The following LAMC2 variants were observed in gnomAD, a reference collection of about 807,000 sequenced individuals.
LAMC2 encodes the protein laminin subunit gamma 2.
LAMC2 carries 97 observed loss-of-function variants against 140.2 expected under a neutral mutation model. That is an observed-to-expected ratio of 0.69 (90% CI 0.59 to 0.82). LAMC2 has a LOEUF of 0.82. LAMC2 is among the 40% of genes least tolerant of loss of function. LAMC2 has a pLI of 0.00. For missense variants in LAMC2, 1,402 were observed against 1,476.1 expected (o/e 0.95, Z 0.82); for synonymous variants, 513 against 540.2 (o/e 0.95, Z 0.70).
At chr1:183,257,105 A>G in the LAMC2 span, among the ~76,000 whole-genome samples, 2 of 151,882 alleles carry the variant, frequency 1.3e-5, no homozygotes, top group African/African-American at 4.8e-5. Context: ...GCCTCGTAGA[A>G]TGTGCTAGGA....
the LAMC2 span, among the ~76,000 whole-genome samples, chr1:183,256,102 T>TA: frequency 1.3e-5 from 2 of 151,926 alleles, no homozygotes; most frequent in Admixed American, 6.6e-5. Context: ...GTGGGTTTTT[T>TA]AAAAAAAATA....
chr1:183,238,479 T>G, intron 19 of LAMC2, 58 bp downstream of exon 19: 1 of 1,054,276 alleles, frequency 9.5e-7, no homozygotes, highest in Non-Finnish European at 1.5e-6. Flanking sequence ...CATGACCAAT[T>G]TCCTTTGAAT....
At position 183,223,339 on chromosome 1, in the gene LAMC2, C is replaced by G; in HGVS notation, c.953+15C>G. On this transcript the variant is annotated intron_variant, in intron 7 of 22. Transcript: ENST00000264144. ...TACACATTCAGGTAAAAAGAGAGAC[C>G]ATAAGTAGGTCAATTAGAGCAAACT... 1 of 1,611,892 alleles carries G rather than the reference C, an allele frequency of 6.2e-7. No homozygotes were observed. The highest frequency in any genetic ancestry group is 8.5e-7 in the Non-Finnish European group (1 of 1,178,086).
intron 1 of LAMC2, among the ~76,000 whole-genome samples, chr1:183,207,525 T>C (rs1658926233): frequency 6.6e-6 from 1 of 152,208 alleles, no homozygotes; most frequent in South Asian, 2.1e-4. Flanking sequence ...GGGATTGCAG[T>C]GTTTTGAAAT....
chr1:183,251,445 C>T, the LAMC2 span: 1 of 152,248 alleles, frequency 6.6e-6, no homozygotes, highest in African/African-American at 2.4e-5. Context: ...GCCCAACAGA[C>T]AATACATAAT....
Position 183,202,224 on chromosome 1 carries a change from A to AAC in LAMC2, c.80-5656_80-5655insCA, listed in dbSNP as rs1491510960. Among the ~76,000 whole-genome samples the AAC allele has an allele frequency of 1.8e-3, 241 of 137,270 alleles. 1 individual carries two copies. Among genetic ancestry groups the AAC allele is most frequent in the African/African-American group, 5.6e-3 (218 of 39,176 alleles). 90.1% of individuals were successfully genotyped at this position (137,270 alleles called of 152,430 possible). On this transcript the variant is annotated intron_variant, in intron 1 of 22. Transcript: ENST00000264144. ...GAAAAACAGCAACAACAACAACAAC[A>AAC]AAAAAAAAAAAACAAAGAAAACCAC...
At chr1:183,204,375 T>G (rs1291976149) in intron 1 of LAMC2, among the ~76,000 whole-genome samples, 1 of 151,742 alleles carries the variant, frequency 6.6e-6, no homozygotes, top group Non-Finnish European at 1.5e-5. Context: ...GTAGGCGGAT[T>G]GCTTGAATCC....
chr1:183,234,232 T>C (rs1423617831), intron 14 of LAMC2, 135 bp from the exon 15 acceptor site: 3 of 723,038 alleles, frequency 4.1e-6, no homozygotes, highest in South Asian at 1.5e-5. Context: ...AGAGGCATGG[T>C]GTAAGTGTCA....
chr1:183,201,284 G>T (rs1047039846), intron 1 of LAMC2, among the ~76,000 whole-genome samples: 1 of 152,124 alleles, frequency 6.6e-6, no homozygotes, highest in African/African-American at 2.4e-5. Context: ...TCTGTTCAGG[G>T]TTTGAGTCTG....
At chr1:183,233,948 G>A (rs1447478426) in intron 14 of LAMC2, among the ~76,000 whole-genome samples, 3 of 149,438 alleles carry the variant, frequency 2.0e-5, no homozygotes, top group African/African-American at 4.9e-5. Flanking sequence ...GTACAATGGT[G>A]CGATCTCGGC....
chr1:183,228,137 C>T lies in LAMC2; in HGVS notation c.1469-237C>T, dbSNP rs1659687303. Among the ~76,000 whole-genome samples, 1 of 152,180 alleles carries T rather than the reference C, an allele frequency of 6.6e-6. No homozygotes were observed. The highest frequency in any genetic ancestry group is 1.5e-5 in the Non-Finnish European group (1 of 68,040). ...ACTTCTGTGGAGCTGCCTGCTTTTT[C>T]CCAGCCAGCTAGTTAAGCCTCCTAG... On this transcript the variant is annotated intron_variant, in intron 10 of 22. Transcript: ENST00000264144. The surrounding 1 kb of genome is among the most constrained non-coding windows in gnomAD (Gnocchi z 4.3).
Position 183,227,531 on chromosome 1 carries a change from G to T in LAMC2, c.1302G>T (p.Gly434=), listed in dbSNP as rs762986223. ...TACCCCCAGGAGATTGTTATTCAGG[G>T]GATGAGAATCCTGACATTGAGTGTG... ...CDPDTGDCYS[G]DENPDIECAD... The change falls in exon 10 of 23, where the codon GGG becomes GGT. Residue 434 remains glycine, a synonymous_variant. Transcript: ENST00000264144. 6.2e-7 allele frequency: 1 copy of T among 1,614,114 alleles called. No individual in the cohort carries two copies. The highest frequency in any genetic ancestry group is 1.1e-5 in the South Asian group (1 of 91,076).
In LAMC2 at chr1:183,239,425, C is replaced by G; in HGVS notation, c.2931C>G (p.Ser977=). The change falls in exon 20 of 23, where the codon TCC becomes TCG. Residue 977 remains serine (S), a synonymous_variant. Coordinates refer to ENST00000264144, the MANE Select transcript of LAMC2 (RefSeq NM_005562.3). The stretch of plus-strand genomic sequence containing the variant: ...CTGAAGAAGCCATGAAGAGACTCTC[C>G]TACATCAGCCAGAAGGTTTCAGATG... ...AEAEEAMKRL[S]YISQKVSDAS... 1 of 1,614,182 alleles carries G rather than the reference C, an allele frequency of 6.2e-7. No individual in the cohort carries two copies. Among genetic ancestry groups the G allele is most frequent in the Non-Finnish European group, 8.5e-7 (1 of 1,180,020 alleles).
intron 22 of LAMC2, among the ~76,000 whole-genome samples, chr1:183,241,840 G>A (rs1350176500): frequency 2.0e-5 from 3 of 150,380 alleles, no homozygotes; most frequent in African/African-American, 5.0e-5. Flanking sequence ...CTTTAGCAGC[G>A]TTGTTTAGTG....
At chr1:183,220,628 G>C (rs983419646) in intron 4 of LAMC2, among the ~76,000 whole-genome samples, 197 bp from the exon 5 acceptor site, 2 of 151,922 alleles carry the variant, frequency 1.3e-5, no homozygotes, top group Non-Finnish European at 2.9e-5. Context: ...TTCTTATGCC[G>C]TCTAATTTAG....
chr1:183,224,687 C>CAT (rs1418128886), intron 7 of LAMC2, among the ~76,000 whole-genome samples: 2 of 151,842 alleles, frequency 1.3e-5, no homozygotes, highest in African/African-American at 4.8e-5. Flanking sequence ...CACACACACA[C>CAT]ACACACACAC....
chr1:183,228,440 G>A lies in LAMC2; in HGVS notation c.1535G>A (p.Arg512Lys). 6.2e-7 allele frequency: 1 copy of A among 1,613,986 alleles called. No homozygotes were observed. ...CCCTTTGGTGAACATGGCCCAGTGA[G>A]GCCTTGTCAGCCCTGTCAATGCAAC... Reference protein sequence around the residue: ...GDPFGEHGPVRPCQPCQCNNN... With the variant: ...GDPFGEHGPVKPCQPCQCNNN... The change falls in exon 11 of 23, where the codon AGG (arginine) becomes AAG (lysine). Residue 512 changes from arginine (R) to lysine (K), a missense_variant. This residue lies in a region of LAMC2 where 723 missense variants were observed against 783.3 expected (regional missense o/e 0.92). Coordinates refer to ENST00000264144, the MANE Select transcript of LAMC2 (RefSeq NM_005562.3). This position sits in a 1 kb window ranked among gnomAD's most constrained non-coding sequence, Gnocchi z 4.3.
chr1:183,218,594 G>A (rs1156383324), intron 4 of LAMC2, 106 bp downstream of exon 4: 13 of 850,292 alleles, frequency 1.5e-5, no homozygotes, highest in African/African-American at 6.7e-5. Context: ...CTTGACAAAC[G>A]TTGATGACCT....
chr1:183,239,452 C>G lies in LAMC2; in HGVS notation c.2958C>G (p.Ala986=), dbSNP rs773161659. ...LSYISQKVSD[A]SDKTQQAERA... ...ACATCAGCCAGAAGGTTTCAGATGC[C>G]AGTGACAAGACCCAGCAAGCAGAAA... Residue 986 remains alanine, a synonymous_variant, in exon 20 of 23, where the codon GCC becomes GCG. Coordinates refer to ENST00000264144, the MANE Select transcript of LAMC2 (RefSeq NM_005562.3). 1 of 1,614,158 alleles carries G rather than the reference C, an allele frequency of 6.2e-7. No homozygotes were observed.
Sources: allele counts gnomAD v4.1 joint callset (sites outside exome capture counted in the v4.1 genomes callset), GRCh38; gene constraint gnomAD v4.1.1; regional missense constraint gnomAD v4.1.1; non-coding constraint Gnocchi (gnomAD v3.1); transcripts MANE v1.5; gene names NCBI Gene and HGNC (gene_info 2026-07-23, HGNC 2026-07-21).